Variants in AGBL1 observed in about 807,000 individuals in gnomAD.
AGBL1 encodes the protein AGBL carboxypeptidase 1.
Under a neutral mutation model 118.9 loss-of-function variants are expected in AGBL1, and 130 were observed. The ratio of observed to expected loss-of-function variants is 1.09; its 90% CI spans 0.95 to 1.26. The LOEUF is 1.26. Among genes scored for constraint, AGBL1 ranks in the 50% most tolerant of loss-of-function variants. AGBL1 has a pLI of 0.00. For missense variants in AGBL1, 1,584 were observed against 1,298.1 expected, an observed-to-expected ratio of 1.22 and a Z score of -3.38; for synonymous variants, 555 against 478.9, an observed-to-expected ratio of 1.16 and a Z score of -2.08.
chr15:86,710,681 T>G (rs2086540794), intron 22 of AGBL1, among the ~76,000 whole-genome samples: 1 of 152,186 alleles, frequency 6.6e-6, no homozygotes. Context: ...GTTAAGCATA[T>G]GGATAGGTTT....
intron 21 of AGBL1, among the ~76,000 whole-genome samples, chr15:86,567,197 G>A (rs1348751838): frequency 1.3e-5 from 2 of 152,152 alleles, no homozygotes; most frequent in Non-Finnish European, 2.9e-5. Flanking sequence ...TGGGGTCTAA[G>A]ATTAAGACTC....
intron 18 of AGBL1, among the ~76,000 whole-genome samples, chr15:86,516,160 G>C (rs1474172782): frequency 2.6e-5 from 4 of 152,202 alleles, no homozygotes; most frequent in Admixed American, 1.3e-4. Flanking sequence ...CAACAGGGCA[G>C]AGAAAGCCAT....
chr15:86,841,103 C>A (rs1596540191), intron 22 of AGBL1, among the ~76,000 whole-genome samples: 1 of 152,222 alleles, frequency 6.6e-6, no homozygotes, highest in Non-Finnish European at 1.5e-5. Flanking sequence ...GAGAATAGAG[C>A]AGCAAGGATG....
At chr15:86,142,488 T>C (rs369682284) in intron 2 of AGBL1, among the ~76,000 whole-genome samples, 1 of 152,214 alleles carries the variant, frequency 6.6e-6, no homozygotes, top group Non-Finnish European at 1.5e-5. Context: ...GTTGACTACA[T>C]TGGAATCAAC....
intron 18 of AGBL1, among the ~76,000 whole-genome samples, chr15:86,492,380 A>G (rs1264100649): frequency 1.3e-5 from 2 of 152,114 alleles, no homozygotes; most frequent in African/African-American, 2.4e-5. Context: ...ACTTGAGGTC[A>G]GGAGTTCAAG....
intron 22 of AGBL1, among the ~76,000 whole-genome samples, chr15:86,722,543 C>T (rs2086741746): frequency 6.6e-6 from 1 of 152,116 alleles, no homozygotes; most frequent in Admixed American, 6.5e-5. Context: ...AGACCTAAAA[C>T]CATAAAAACC....
chr15:86,625,384 T>G (rs1322421384), intron 21 of AGBL1, among the ~76,000 whole-genome samples: 8 of 41,150 alleles, frequency 1.9e-4, no homozygotes, highest in African/African-American at 8.1e-4. Flanking sequence ...TTTTTGTTTT[T>G]GTTTTTTTTT....
At chr15:86,517,397 C>T (rs1021837747) in intron 18 of AGBL1, among the ~76,000 whole-genome samples, 1 of 152,180 alleles carries the variant, frequency 6.6e-6, no homozygotes, top group Admixed American at 6.5e-5. Context: ...AATGTTGTTG[C>T]TCCTCCTTTG....
Position 86,911,145 on chromosome 15 carries a change from G to A in AGBL1, c.*3851G>A, listed in dbSNP as rs566114077. 10 of 152,518 alleles carry A rather than the reference G, an allele frequency of 6.6e-5. No individual in the cohort carries two copies. The highest frequency in any genetic ancestry group is 2.4e-4 in the African/African-American group (10 of 41,546). 9.4% of individuals were successfully genotyped at this position (152,518 alleles called of 1,614,324 possible). A position where few individuals can be genotyped will look rare whatever the true frequency, so the allele number is the denominator to read the frequency against. On this transcript the variant is annotated 3_prime_UTR_variant, in exon 23 of 23. Transcript: ENST00000614907. ...GGTCCAAAATGTGCAGAGGAGAGAG[G>A]AGAGTCCAGAGAGGCGATGTTGGGG...
chr15:86,560,034 C>T (rs1050842558), intron 21 of AGBL1, among the ~76,000 whole-genome samples: 1 of 152,016 alleles, frequency 6.6e-6, no homozygotes, highest in South Asian at 2.1e-4. Flanking sequence ...TTATGTTGAC[C>T]AAGTTTTTTG....
chr15:86,272,008 G>T (rs935659776), intron 15 of AGBL1, among the ~76,000 whole-genome samples: 1 of 152,206 alleles, frequency 6.6e-6, no homozygotes, highest in Non-Finnish European at 1.5e-5. Flanking sequence ...CCTGTGATTA[G>T]TGTGTCAAGC....
chr15:86,805,877 A>T (rs1596498627), intron 22 of AGBL1, among the ~76,000 whole-genome samples: 1 of 152,140 alleles, frequency 6.6e-6, no homozygotes, highest in East Asian at 1.9e-4. Flanking sequence ...TTTGTGACAG[A>T]CCCAATAGAA....
intron 22 of AGBL1, among the ~76,000 whole-genome samples, chr15:86,827,593 A>G (rs2079046627): frequency 7.4e-6 from 1 of 135,762 alleles, no homozygotes; most frequent in Admixed American, 7.9e-5. Flanking sequence ...ATAGCCAGCC[A>G]TGTTGATTAT....
chr15:86,820,623 A>T (rs1308630425), intron 22 of AGBL1, among the ~76,000 whole-genome samples: 1 of 152,212 alleles, frequency 6.6e-6, no homozygotes, highest in African/African-American at 2.4e-5. Flanking sequence ...AATCAAAACC[A>T]CAGTGAAATA....
At chr15:86,776,000 C>T (rs1358710543) in intron 22 of AGBL1, among the ~76,000 whole-genome samples, 2 of 152,252 alleles carry the variant, frequency 1.3e-5, no homozygotes, top group African/African-American at 4.8e-5. Flanking sequence ...AGTGGGTCCA[C>T]AAACAACACA....
At chr15:86,534,466 C>G (rs564903634) in intron 19 of AGBL1, among the ~76,000 whole-genome samples, 2 of 152,266 alleles carry the variant, frequency 1.3e-5, no homozygotes, top group Admixed American at 6.5e-5. Context: ...CAGGAGTTTT[C>G]TGTGCTTGGG....
At chr15:86,841,384 G>A (rs1033282160) in intron 22 of AGBL1, among the ~76,000 whole-genome samples, 3 of 152,186 alleles carry the variant, frequency 2.0e-5, no homozygotes, top group Non-Finnish European at 4.4e-5. Context: ...TTGGAAAAAT[G>A]TATAGACACA....
chr15:86,880,690 C>T (rs553185597), intron 22 of AGBL1, among the ~76,000 whole-genome samples: 5 of 151,994 alleles, frequency 3.3e-5, no homozygotes, highest in African/African-American at 1.2e-4. Context: ...TGAGTGTGTA[C>T]ATGTGTGCAT....
At chr15:86,421,931 G>A (rs1483208291) in intron 18 of AGBL1, among the ~76,000 whole-genome samples, 1 of 152,106 alleles carries the variant, frequency 6.6e-6, no homozygotes, top group Non-Finnish European at 1.5e-5. Context: ...CCCAATACAG[G>A]AACACCCAGA....
Sources: gnomAD v4.1 joint callset for allele counts (sites outside exome capture counted in the v4.1 genomes callset) on GRCh38, gnomAD v4.1.1 for gene constraint, MANE v1.5 for transcripts, NCBI Gene and HGNC (gene_info 2026-07-23, HGNC 2026-07-21) for gene names.